The following ADAMTS16 variants were observed in gnomAD, a reference collection of about 807,000 sequenced individuals.
ADAMTS16 encodes ADAM metallopeptidase with thrombospondin type 1 motif 16.
In ADAMTS16, 94 loss-of-function variants were observed where a neutral mutation model predicts 145.8. That is an observed-to-expected ratio of 0.64 (90% CI 0.55 to 0.77). The LOEUF is 0.77. ADAMTS16 is among the 30% of genes least tolerant of loss of function. The pLI is 0.00. For missense variants in ADAMTS16, 1,585 were observed against 1,591.5 expected (o/e 1.00, Z 0.07); for synonymous variants, 659 against 604.3 (o/e 1.09, Z -1.33).
intron 3 of ADAMTS16, among the ~76,000 whole-genome samples, chr5:5,173,784 T>C (rs987016306): frequency 3.9e-5 from 6 of 152,320 alleles, no homozygotes; most frequent in Admixed American, 3.9e-4. Context: ...TGACTGCTCA[T>C]CAGGATTGCA....
At chr5:5,183,310 G>C (rs1392000805) in intron 4 of ADAMTS16, among the ~76,000 whole-genome samples, 1 of 152,226 alleles carries the variant, frequency 6.6e-6, no homozygotes, top group East Asian at 1.9e-4. Flanking sequence ...GGAATCCTGA[G>C]GTTGGGTGAG....
At chr5:5,315,389 G>GA (rs1298678164) in intron 21 of ADAMTS16, among the ~76,000 whole-genome samples, 1 of 151,428 alleles carries the variant, frequency 6.6e-6, no homozygotes, top group Non-Finnish European at 1.5e-5. Context: ...CTGAATAAGT[G>GA]AATCAGTGAC....
At chr5:5,146,845 G>T (rs1386391783) in intron 3 of ADAMTS16, among the ~76,000 whole-genome samples, 1 of 152,204 alleles carries the variant, frequency 6.6e-6, no homozygotes, top group African/African-American at 2.4e-5. Context: ...CAATTCAAGA[G>T]ATTGGCCATG....
intron 5 of ADAMTS16, among the ~76,000 whole-genome samples, chr5:5,186,894 G>A (rs1402336520): frequency 1.3e-5 from 2 of 152,204 alleles, no homozygotes; most frequent in Non-Finnish European, 2.9e-5. Context: ...TATTTTAAAA[G>A]TATGTCTTTG....
chr5:5,278,221 C>T (rs573439933), intron 18 of ADAMTS16, among the ~76,000 whole-genome samples: 3 of 152,292 alleles, frequency 2.0e-5, no homozygotes, highest in East Asian at 1.9e-4. Context: ...CTCAATGACC[C>T]GGTGCCAAGA....
intron 4 of ADAMTS16, among the ~76,000 whole-genome samples, chr5:5,185,263 A>G (rs1357971719): frequency 6.6e-6 from 1 of 152,228 alleles, no homozygotes; most frequent in Non-Finnish European, 1.5e-5. Flanking sequence ...ATGCTCCGTG[A>G]ATACAGTCTG....
At chr5:5,229,795 A>G (rs1446853780) in intron 11 of ADAMTS16, among the ~76,000 whole-genome samples, 2 of 152,198 alleles carry the variant, frequency 1.3e-5, no homozygotes, top group Admixed American at 6.5e-5. Flanking sequence ...GTTTTTTCTT[A>G]AAAGAAGTAA....
rs1198155704 is a variant in ADAMTS16 at position 5,186,313 on chromosome 5, T to G, written c.963+62T>G. On this transcript the variant is annotated intron_variant, in intron 5 of 22. Transcript: ENST00000274181. ...TTGCACTTCGTAGGGTGTGTGTGTG[T>G]GTGTGTGTGTGTGTGTGTGTGTTTC... The G allele has an allele frequency of 4.5e-5, 59 of 1,316,452 alleles. No homozygotes were observed. The African/African-American group carries it at 7.5e-4, about 17-fold the overall frequency. The allele number at this position is 1,316,452 out of a possible 1,614,324, so 81.5% of individuals were successfully genotyped here. A position where few individuals can be genotyped will look rare whatever the true frequency, so the allele number is the denominator to read the frequency against.
At chr5:5,204,101 A>C (rs1412822652) in intron 9 of ADAMTS16, among the ~76,000 whole-genome samples, 1 of 152,146 alleles carries the variant, frequency 6.6e-6, no homozygotes, top group Non-Finnish European at 1.5e-5. Flanking sequence ...GGACCGAGGG[A>C]ATCAGTTCAT....
chr5:5,207,226 A>C (rs538039376), intron 9 of ADAMTS16, among the ~76,000 whole-genome samples: 1 of 152,230 alleles, frequency 6.6e-6, no homozygotes, highest in African/African-American at 2.4e-5. Context: ...TTCTTTCATC[A>C]GTTTTGTAGA....
intron 3 of ADAMTS16, among the ~76,000 whole-genome samples, chr5:5,159,472 C>T (rs1734687958): frequency 6.6e-6 from 1 of 152,180 alleles, no homozygotes. Flanking sequence ...AAAGTAAGAA[C>T]TGAACAAGTA....
At chr5:5,170,768 G>T (rs1735023042) in intron 3 of ADAMTS16, among the ~76,000 whole-genome samples, 1 of 151,354 alleles carries the variant, frequency 6.6e-6, no homozygotes, top group African/African-American at 2.4e-5. Context: ...TTAATCTCTT[G>T]TCAGATGGGT....
rs964017736 is a variant in ADAMTS16, at chr5:5,205,076, TA to T, written c.1452-4009del. Among the ~76,000 whole-genome samples the T allele has an allele frequency of 1.4e-3, 210 of 148,136 alleles. 1 individual carries two copies. The highest frequency in any genetic ancestry group is 4.8e-3 in the African/African-American group (193 of 40,026). ...AAAGTGCTATAATCTTTTGTGCATG[TA>T]AAAAAAATAGACCCTGTTTTTTTTC... On this transcript the variant is annotated intron_variant, in intron 9 of 22. Transcript: ENST00000274181.
chr5:5,303,375 C>G lies in ADAMTS16; in HGVS notation c.2897C>G (p.Pro966Arg). Residue 966 changes from proline (P) to arginine (R), a missense_variant, in exon 19 of 23, where the codon CCG becomes CGG. This residue lies in a region of ADAMTS16 where 834 missense variants were observed against 811.7 expected (regional missense o/e 1.03). Coordinates refer to ENST00000274181, the MANE Select transcript of ADAMTS16 (RefSeq NM_139056.4). ...GTGCACTATGACTCGGAGCCAGTCC[C>G]GGCCAGCCTGTGCCCTCAGCCTGCT... ...RRVHYDSEPV[P>R]ASLCPQPAPS... 1 of 1,602,610 alleles carries G rather than the reference C, an allele frequency of 6.2e-7. No individual in the cohort carries two copies.
At position 5,303,223 on chromosome 5, in the gene ADAMTS16, AGT is replaced by A. The variant is rs1739864259; in HGVS notation, c.2790-43_2790-42del. ...TCAGATGTGGGGCCGCTTCTATCAGAGTGATGGAGCCATCCCTCACCGAGGTC... is the reference window on the plus strand; with the variant it reads ...TCAGATGTGGGGCCGCTTCTATCAGAGATGGAGCCATCCCTCACCGAGGTC... On this transcript the variant is annotated intron_variant, in intron 18 of 22. Coordinates refer to ENST00000274181, the MANE Select transcript of ADAMTS16 (RefSeq NM_139056.4). The A allele has an allele frequency of 3.7e-5, 55 of 1,484,766 alleles. No individual in the cohort carries two copies. The South Asian group carries it at 7.6e-4, about 21-fold the overall frequency. The allele number at this position is 1,484,766 out of a possible 1,614,324, so 92.0% of individuals were successfully genotyped here. A position where few individuals can be genotyped will look rare whatever the true frequency, so the allele number is the denominator to read the frequency against.
At chr5:5,153,815 A>T (rs1734532923) in intron 3 of ADAMTS16, among the ~76,000 whole-genome samples, 1 of 152,232 alleles carries the variant, frequency 6.6e-6, no homozygotes. Context: ...ATAAAACATG[A>T]TGTTTGTCAA....
intron 3 of ADAMTS16, among the ~76,000 whole-genome samples, chr5:5,169,552 T>G (rs1734992617): frequency 6.6e-6 from 1 of 152,192 alleles, no homozygotes; most frequent in Non-Finnish European, 1.5e-5. Flanking sequence ...GGTGTACTGG[T>G]CCTCCTCTGT....
chr5:5,162,201 C>T (rs976097531), intron 3 of ADAMTS16, among the ~76,000 whole-genome samples: 3 of 152,224 alleles, frequency 2.0e-5, no homozygotes, highest in Non-Finnish European at 4.4e-5. Flanking sequence ...GAAACAAGCA[C>T]CTACTGTATG....
At chr5:5,223,881 T>C in intron 11 of ADAMTS16, among the ~76,000 whole-genome samples, 1 of 151,898 alleles carries the variant, frequency 6.6e-6, no homozygotes, top group East Asian at 1.9e-4. Flanking sequence ...GTGGCATTAG[T>C]GAATATGAAA....
Sources: gnomAD v4.1 joint callset for allele counts (sites outside exome capture counted in the v4.1 genomes callset) on GRCh38, gnomAD v4.1.1 for gene constraint, gnomAD v4.1.1 regional missense constraint, MANE v1.5 for transcripts, NCBI Gene and HGNC (gene_info 2026-07-23, HGNC 2026-07-21) for gene names.